Variants in NELL2 observed in about 807,000 individuals in gnomAD.
NELL2 encodes protein kinase C-binding protein NELL2.
A neutral mutation model predicts 109.6 loss-of-function variants in NELL2; 41 were observed. That is an observed-to-expected ratio of 0.37 (90% CI 0.29 to 0.49). The LOEUF (loss-of-function observed/expected upper bound fraction) is 0.49, where lower values mean the gene tolerates loss of function less well. NELL2 is among the 20% of genes least tolerant of loss of function. NELL2 has a pLI of 0.98. For missense variants in NELL2, 900 were observed against 1,008.3 expected (o/e 0.89, Z 1.45); for synonymous variants, 355 against 344.7 (o/e 1.03, Z -0.33).
chr12:44,521,340 C>A (rs1022750320), intron 18 of NELL2, among the ~76,000 whole-genome samples: 1 of 151,880 alleles, frequency 6.6e-6, no homozygotes, highest in African/African-American at 2.4e-5. Context: ...ACCATCCCGG[C>A]TAAAACGGTG....
intron 2 of NELL2, among the ~76,000 whole-genome samples, chr12:44,868,827 T>C (rs1253733032): frequency 1.3e-5 from 2 of 152,128 alleles, no homozygotes; most frequent in Admixed American, 6.5e-5. Flanking sequence ...TACAACATAA[T>C]GACTATAGTA....
intron 2 of NELL2, among the ~76,000 whole-genome samples, chr12:44,857,206 G>A (rs990731049): frequency 6.6e-6 from 1 of 152,200 alleles, no homozygotes; most frequent in African/African-American, 2.4e-5. Context: ...AAGGAGGCCA[G>A]CACAGAGTTG....
intron 13 of NELL2, among the ~76,000 whole-genome samples, chr12:44,612,038 C>A (rs1382998825): frequency 6.6e-6 from 1 of 151,948 alleles, no homozygotes; most frequent in African/African-American, 2.4e-5. Flanking sequence ...CCATTAATTT[C>A]ACGTAATATA....
intron 1 of NELL2, among the ~76,000 whole-genome samples, chr12:44,883,739 A>C (rs907439066): frequency 2.0e-5 from 3 of 152,088 alleles, no homozygotes; most frequent in Non-Finnish European, 4.4e-5. Flanking sequence ...TGAAGTAATA[A>C]CATATGAACT....
intron 12 of NELL2, among the ~76,000 whole-genome samples, chr12:44,684,231 G>A (rs185519282): frequency 3.3e-5 from 5 of 152,238 alleles, no homozygotes; most frequent in Admixed American, 2.6e-4. Flanking sequence ...ATTCTCTGAT[G>A]GTAGTTTGTA....
intron 3 of NELL2, among the ~76,000 whole-genome samples, chr12:44,800,408 A>C (rs1449619060): frequency 1.3e-5 from 2 of 152,138 alleles, no homozygotes. Flanking sequence ...AGAATACACT[A>C]ATCTTCTCTT....
At chr12:44,515,931 T>G (rs1941238729) in intron 19 of NELL2, among the ~76,000 whole-genome samples, 2 of 151,930 alleles carry the variant, frequency 1.3e-5, no homozygotes, top group African/African-American at 4.8e-5. Context: ...AGAGTCCATT[T>G]CCTTTATTTT....
rs180786758 is a variant in NELL2 at position 44,806,517 on chromosome 12, T to C, written c.335+9469A>G. 7.9e-5 allele frequency among the ~76,000 whole-genome samples: 12 copies of C among 151,976 alleles called. No individual in the cohort carries two copies. In the East Asian group the frequency reaches 2.3e-3, roughly 29 times the overall value. On this transcript the variant is annotated intron_variant, in intron 3 of 19. Coordinates refer to ENST00000429094, the MANE Select transcript of NELL2 (RefSeq NM_001145108.2). Reference sequence around the variant, plus strand: ...GTAATTGTATACATATTAAAATCTATACTTGAATCTATATCTATATATCTA... The same window carrying C: ...GTAATTGTATACATATTAAAATCTACACTTGAATCTATATCTATATATCTA...
intron 2 of NELL2, among the ~76,000 whole-genome samples, chr12:44,836,467 C>T (rs1367311519): frequency 6.6e-6 from 1 of 152,262 alleles, no homozygotes; most frequent in East Asian, 1.9e-4. Context: ...GTAAAAAGCA[C>T]CTGCAAAAGA....
chr12:44,542,242 C>A (rs554492241), intron 15 of NELL2, among the ~76,000 whole-genome samples: 8 of 152,162 alleles, frequency 5.3e-5, no homozygotes, highest in African/African-American at 1.9e-4. Flanking sequence ...CAAGGATACA[C>A]CCCTCTCTCT....
chr12:44,569,437 T>G (rs568853341), intron 15 of NELL2, among the ~76,000 whole-genome samples: 1 of 152,286 alleles, frequency 6.6e-6, no homozygotes, highest in African/African-American at 2.4e-5. Context: ...TTTCTGTTTT[T>G]GGGTCTTTGA....
At chr12:44,593,620 G>A (rs926271400) in intron 15 of NELL2, among the ~76,000 whole-genome samples, 6 of 152,128 alleles carry the variant, frequency 3.9e-5, no homozygotes, top group African/African-American at 1.2e-4. Flanking sequence ...ACCCAGTAAC[G>A]GGATTGCTGG....
At chr12:44,679,767 C>T (rs1308694732) in intron 12 of NELL2, among the ~76,000 whole-genome samples, 4 of 152,078 alleles carry the variant, frequency 2.6e-5, no homozygotes, top group African/African-American at 2.4e-5. Flanking sequence ...ACATGTCTTG[C>T]CCTTTCCCTT....
chr12:44,592,691 G>C (rs1396238713), intron 15 of NELL2, among the ~76,000 whole-genome samples: 3 of 152,018 alleles, frequency 2.0e-5, no homozygotes, highest in Non-Finnish European at 4.4e-5. Flanking sequence ...TTATTTTGAG[G>C]GCCCCTCAGG....
intron 1 of NELL2, among the ~76,000 whole-genome samples, chr12:44,884,943 T>G (rs1945453358): frequency 6.6e-6 from 1 of 152,014 alleles, no homozygotes; most frequent in Admixed American, 6.5e-5. Flanking sequence ...GAGGCAACAT[T>G]GTATTGGAGA....
chr12:44,838,843 A>T (rs1944133217), intron 2 of NELL2, among the ~76,000 whole-genome samples: 1 of 152,200 alleles, frequency 6.6e-6, no homozygotes, highest in African/African-American at 2.4e-5. Flanking sequence ...AGATAAATGG[A>T]TATAAACAGT....
intron 3 of NELL2, among the ~76,000 whole-genome samples, chr12:44,800,638 TG>T (rs1942796885): frequency 6.6e-6 from 1 of 152,192 alleles, no homozygotes; most frequent in African/African-American, 2.4e-5. Context: ...TATGATTCTA[TG>T]CAGTATTTCA....
chr12:44,729,363 A>C (rs1939244038), intron 9 of NELL2, among the ~76,000 whole-genome samples: 1 of 152,052 alleles, frequency 6.6e-6, no homozygotes, highest in East Asian at 1.9e-4. Flanking sequence ...AAAAGAAAAT[A>C]AGAAAAGAAT....
chr12:44,695,890 G>T (rs191157319), intron 12 of NELL2, among the ~76,000 whole-genome samples: 1 of 152,130 alleles, frequency 6.6e-6, no homozygotes, highest in Non-Finnish European at 1.5e-5. Flanking sequence ...AGGCTGAGGT[G>T]GGGGGATTGC....
Sources: allele counts gnomAD v4.1 joint callset (sites outside exome capture counted in the v4.1 genomes callset), GRCh38; gene constraint gnomAD v4.1.1; transcripts MANE v1.5; gene names NCBI Gene and HGNC (gene_info 2026-07-23, HGNC 2026-07-21).